TENM3: variants seen among roughly 807,000 people sequenced by gnomAD.
TENM3 encodes the protein teneurin-3.
A neutral mutation model predicts 255.1 loss-of-function variants in TENM3; 63 were observed. That is an observed-to-expected ratio of 0.25 (90% CI 0.20 to 0.30). The LOEUF (loss-of-function observed/expected upper bound fraction) is 0.30. TENM3 is among the 10% of genes least tolerant of loss of function. The probability of loss-of-function intolerance (pLI) is 1.00; values close to 1 mark genes in which losing one functional copy is unlikely to be tolerated. For synonymous variants in TENM3, 1,306 were observed against 1,322.3 expected (o/e 0.99, Z 0.27); for missense variants, 2,929 against 3,461.1 (o/e 0.85, Z 3.86).
the TENM3 span, among the ~76,000 whole-genome samples, chr4:181,832,903 C>T: frequency 6.6e-6 from 1 of 152,108 alleles, no homozygotes; most frequent in Non-Finnish European, 1.5e-5. Context: ...ATGGAAGGAC[C>T]GTGCTCCAGA....
the TENM3 span, among the ~76,000 whole-genome samples, chr4:181,532,928 TAGGTATTAAAAGGATTTGTTTA>T: frequency 6.6e-6 from 1 of 152,242 alleles, no homozygotes; most frequent in Non-Finnish European, 1.5e-5. Context: ...AAATTGTTTT[TAGGTATTAAAAGGATTTGTTTA>T]AGACTGTGAA....
intron 3 of TENM3, chr4:182,448,956 A>T: frequency 1.3e-5 from 5 of 392,416 alleles, no homozygotes; most frequent in Non-Finnish European, 2.6e-5. Flanking sequence ...TCAGCCTATC[A>T]TGTCTGGCCG....
rs1561152693 is a variant in TENM3 at position 182,161,673 on chromosome 4, A to ATGTATATATATACATATATATG, written c.-76+16933_-76+16934insTATATATGTGTATATATATACA. 1.3e-3 allele frequency among the ~76,000 whole-genome samples: 77 copies of ATGTATATATATACATATATATG among 60,024 alleles called. 4 individuals are homozygous for ATGTATATATATACATATATATG. Among genetic ancestry groups the ATGTATATATATACATATATATG allele is most frequent in the African/African-American group, 4.6e-3 (74 of 16,092 alleles). The allele number at this position is 60,024 out of a possible 152,430, so 39.4% of individuals were successfully genotyped here. ...TATATACACACACACAAATATATAT[A>ATGTATATATATACATATATATG]TGTATATATATACACAAATATATAT... On this transcript the variant is annotated intron_variant, in intron 1 of 2. Transcript: ENST00000512480.
chr4:181,606,039 G>A, the TENM3 span, among the ~76,000 whole-genome samples: 5 of 151,926 alleles, frequency 3.3e-5, no homozygotes, highest in Admixed American at 6.6e-5. Context: ...GGTGGTAAAT[G>A]AGTACCCATC....
At chr4:181,995,163 A>C in the TENM3 span, among the ~76,000 whole-genome samples, 1 of 152,010 alleles carries the variant, frequency 6.6e-6, no homozygotes, top group East Asian at 1.9e-4. Flanking sequence ...TATGGTGTTC[A>C]CCTGTAATCC....
chr4:181,557,186 A>G, the TENM3 span, among the ~76,000 whole-genome samples: 2 of 152,160 alleles, frequency 1.3e-5, no homozygotes, highest in Admixed American at 6.5e-5. Context: ...TGCTTAATAG[A>G]ATAGGTAAAA....
intron 3 of TENM3, among the ~76,000 whole-genome samples, chr4:182,492,491 A>G (rs775767347): frequency 6.6e-6 from 1 of 152,186 alleles, no homozygotes; most frequent in Non-Finnish European, 1.5e-5. Flanking sequence ...GGATAAAGGA[A>G]GTAATATTCA....
the TENM3 span, among the ~76,000 whole-genome samples, chr4:181,605,502 GAAA>G: frequency 6.7e-5 from 1 of 15,014 alleles, no homozygotes; most frequent in Non-Finnish European, 1.4e-4. Flanking sequence ...AAGAAAGAAA[GAAA>G]GAAAGAAAGA....
In TENM3 at chr4:182,801,105, TAAAAA is replaced by T. The variant is rs1766925772; in HGVS notation, c.*755_*759del. ...TGTAAAGTGTTTAAAAATTTATACT[TAAAAA>T]TAAAATGATAAAAACGTGAACTGTG... On this transcript the variant is annotated 3_prime_UTR_variant, in exon 28 of 28. Transcript: ENST00000511685. 6.6e-6 allele frequency: 1 copy of T among 152,634 alleles called. No individual in the cohort carries two copies. Among genetic ancestry groups the T allele is most frequent in the Non-Finnish European group, 1.5e-5 (1 of 68,044 alleles). The allele number at this position is 152,634 out of a possible 1,614,324, so 9.5% of individuals were successfully genotyped here.
At chr4:181,714,344 G>C in the TENM3 span, among the ~76,000 whole-genome samples, 2 of 152,138 alleles carry the variant, frequency 1.3e-5, no homozygotes, top group African/African-American at 4.8e-5. Flanking sequence ...TGGGAGGCTG[G>C]GGTGAGAGGA....
At chr4:182,029,176 G>A in the TENM3 span, among the ~76,000 whole-genome samples, 1 of 151,980 alleles carries the variant, frequency 6.6e-6, no homozygotes, top group African/African-American at 2.4e-5. Flanking sequence ...ACATCACATG[G>A]CAAAAGCAGG....
At position 182,149,559 on chromosome 4, in the gene TENM3, G is replaced by GTAA. The variant is rs375778213; in HGVS notation, c.-76+4822_-76+4824dup. Among the ~76,000 whole-genome samples, 90 of 151,756 alleles carry GTAA rather than the reference G, an allele frequency of 5.9e-4. No homozygotes were observed. The South Asian group carries it at 0.011, about 18-fold the overall frequency. On this transcript the variant is annotated intron_variant, in intron 1 of 2. Coordinates refer to the TENM3 transcript ENST00000512480. ...GAGTGGATGACTGAAACCATATCAT[G>GTAA]TAATAATAATAATAATAATGAGATT...
chr4:182,768,829 G>C (rs566565575), intron 22 of TENM3, among the ~76,000 whole-genome samples: 1 of 152,110 alleles, frequency 6.6e-6, no homozygotes, highest in Admixed American at 6.5e-5. Flanking sequence ...GTAGGTCACG[G>C]AGAGCCTGAG....
chr4:181,758,763 G>A, the TENM3 span, among the ~76,000 whole-genome samples: 2 of 152,080 alleles, frequency 1.3e-5, no homozygotes, highest in African/African-American at 2.4e-5. Context: ...CACCTACATC[G>A]GGCCTCACAA....
the TENM3 span, among the ~76,000 whole-genome samples, chr4:181,509,035 C>T: frequency 1.3e-5 from 2 of 149,452 alleles, no homozygotes; most frequent in Admixed American, 6.8e-5. Context: ...AATTCCCTAA[C>T]ATGAAAGAAT....
chr4:182,129,997 T>C, the TENM3 span, among the ~76,000 whole-genome samples: 1 of 152,192 alleles, frequency 6.6e-6, no homozygotes, highest in Non-Finnish European at 1.5e-5. Flanking sequence ...AAGTTTCTAA[T>C]GTAGTCATAA....
At chr4:182,189,099 A>G (rs988880882) in intron 1 of TENM3, among the ~76,000 whole-genome samples, 1 of 152,140 alleles carries the variant, frequency 6.6e-6, no homozygotes, top group Non-Finnish European at 1.5e-5. Flanking sequence ...AAATTAATAC[A>G]ATTTTTAAAT....
chr4:182,423,739 C>A (rs1771007257), intron 3 of TENM3, among the ~76,000 whole-genome samples: 1 of 152,084 alleles, frequency 6.6e-6, no homozygotes, highest in Non-Finnish European at 1.5e-5. Context: ...TTGAGAGAAT[C>A]TTTTTGGCAG....
chr4:181,645,714 T>C, the TENM3 span, among the ~76,000 whole-genome samples: 3 of 152,098 alleles, frequency 2.0e-5, no homozygotes. Context: ...GACAAAAATA[T>C]GTAATTTATC....
Sources: allele counts gnomAD v4.1 joint callset (sites outside exome capture counted in the v4.1 genomes callset), GRCh38; gene constraint gnomAD v4.1.1; transcripts MANE v1.5; gene names NCBI Gene and HGNC (gene_info 2026-07-23, HGNC 2026-07-21).